CTNNA2: variants seen among roughly 807,000 people sequenced by gnomAD.
CTNNA2 encodes catenin alpha-2.
CTNNA2 carries 42 observed loss-of-function variants against 101.0 expected under a neutral mutation model. That is an observed-to-expected ratio of 0.42 (90% CI 0.32 to 0.54). The LOEUF (loss-of-function observed/expected upper bound fraction) is 0.54, where lower values mean the gene tolerates loss of function less well. CTNNA2 is among the 20% of genes least tolerant of loss of function. CTNNA2 has a pLI of 0.14. For missense variants in CTNNA2, 871 were observed against 1,223.1 expected (o/e 0.71, Z 4.29); for synonymous variants, 450 against 456.4 (o/e 0.99, Z 0.18).
chr2:80,612,200 T>C (rs1698523715), intron 17 of CTNNA2, among the ~76,000 whole-genome samples: 2 of 151,578 alleles, frequency 1.3e-5, no homozygotes, highest in Admixed American at 1.3e-4. Flanking sequence ...CTTGGGACAC[T>C]GGTAGGATTT....
chr2:79,915,961 C>T (rs1329534042), intron 7 of CTNNA2, among the ~76,000 whole-genome samples: 2 of 152,184 alleles, frequency 1.3e-5, no homozygotes, highest in Non-Finnish European at 2.9e-5. Context: ...AATTGCTATA[C>T]TGCCACATTT....
At chr2:79,573,867 T>G (rs2103843124) in intron 1 of CTNNA2, 1 of 152,226 alleles carries the variant, frequency 6.6e-6, no homozygotes, top group East Asian at 1.9e-4. Context: ...TACCAGAAAT[T>G]TTTGGATGTC....
chr2:79,887,649 T>C (rs913169105), intron 6 of CTNNA2, among the ~76,000 whole-genome samples: 3 of 152,162 alleles, frequency 2.0e-5, no homozygotes, highest in Non-Finnish European at 4.4e-5. Context: ...GCTCCTACTA[T>C]GTGCTTAGCA....
At chr2:79,211,114 A>C (rs1674166584) in intron 2 of CTNNA2, among the ~76,000 whole-genome samples, 1 of 152,174 alleles carries the variant, frequency 6.6e-6, no homozygotes, top group Non-Finnish European at 1.5e-5. Context: ...ATACTCTTCA[A>C]ATTTGAGCTT....
chr2:80,424,775 G>GC (rs1160145939), intron 9 of CTNNA2, among the ~76,000 whole-genome samples: 1 of 152,176 alleles, frequency 6.6e-6, no homozygotes, highest in Non-Finnish European at 1.5e-5. Flanking sequence ...GACTGAGTTT[G>GC]CTTTGCCTTG....
rs200078195 is a variant in CTNNA2 at position 79,983,091 on chromosome 2, T to TAC, written c.1056+73295_1056+73296insCA. 3.3e-3 allele frequency among the ~76,000 whole-genome samples: 501 copies of TAC among 151,242 alleles called. 7 individuals are homozygous for TAC. The highest frequency in any genetic ancestry group is 0.012 in the African/African-American group (479 of 41,380). Reference sequence around the variant, plus strand: ...ATTACACAACCCTGGAAAGCAACTATATAACCCCTCAAGGTCCAGTCAACA... The same window carrying TAC: ...ATTACACAACCCTGGAAAGCAACTATACATAACCCCTCAAGGTCCAGTCAACA... On this transcript the variant is annotated intron_variant, in intron 7 of 18. Transcript: ENST00000402739.
Position 80,105,867 on chromosome 2 carries a change from A to G in CTNNA2, c.1056+196070A>G, listed in dbSNP as rs554693492. 2.6e-5 allele frequency among the ~76,000 whole-genome samples: 4 copies of G among 152,296 alleles called. No individual in the cohort carries two copies. The South Asian group carries it at 6.2e-4, about 24-fold the overall frequency. ...TGTTTCACCCCAGGCTTTACCGTGC[A>G]ATCTGCCTGCAGCACAGTGCAGGCA... On this transcript the variant is annotated intron_variant, in intron 7 of 18. Coordinates refer to ENST00000402739, the MANE Select transcript of CTNNA2 (RefSeq NM_001282597.3).
chr2:79,721,462 C>G (rs189813718), intron 2 of CTNNA2, among the ~76,000 whole-genome samples: 127 of 152,310 alleles, frequency 8.3e-4, no homozygotes, highest in Non-Finnish European at 4.4e-5. Flanking sequence ...CTAATTACCT[C>G]CCATTTCCAA....
At chr2:79,250,699 C>A (rs1025467210) in intron 2 of CTNNA2, among the ~76,000 whole-genome samples, 1 of 152,188 alleles carries the variant, frequency 6.6e-6, no homozygotes, top group Non-Finnish European at 1.5e-5. Context: ...CATTTTGGCA[C>A]TCTTTAGACA....
intron 7 of CTNNA2, among the ~76,000 whole-genome samples, chr2:80,132,250 A>C (rs919544606): frequency 3.3e-5 from 5 of 152,124 alleles, no homozygotes; most frequent in African/African-American, 1.2e-4. Context: ...TCATGCTGCC[A>C]GCCTTACATG....
At chr2:79,986,113 T>C (rs144299839) in intron 7 of CTNNA2, among the ~76,000 whole-genome samples, 5 of 152,358 alleles carry the variant, frequency 3.3e-5, no homozygotes, top group African/African-American at 1.2e-4. Context: ...TTTTAACAAC[T>C]AACTTTAATT....
At chr2:79,741,790 G>A (rs896885722) in intron 2 of CTNNA2, among the ~76,000 whole-genome samples, 2 of 152,030 alleles carry the variant, frequency 1.3e-5, no homozygotes, top group African/African-American at 2.4e-5. Context: ...TCTATAAGAT[G>A]TAATTTAATG....
chr2:79,330,347 T>G (rs561564259), intron 3 of CTNNA2, among the ~76,000 whole-genome samples: 6 of 152,056 alleles, frequency 3.9e-5, no homozygotes, highest in African/African-American at 1.4e-4. Flanking sequence ...CAACTGAGGG[T>G]TGAGTCAGCA....
chr2:80,107,042 C>G (rs991813290), intron 7 of CTNNA2, among the ~76,000 whole-genome samples: 1 of 152,102 alleles, frequency 6.6e-6, no homozygotes, highest in Non-Finnish European at 1.5e-5. Flanking sequence ...CTTTTCTGAC[C>G]ATTCATCACT....
At chr2:79,563,910 T>C (rs548620275) in intron 1 of CTNNA2, among the ~76,000 whole-genome samples, 277 of 152,256 alleles carry the variant, frequency 1.8e-3, no homozygotes, top group Non-Finnish European at 2.9e-3. Context: ...CCAGGTTACA[T>C]TGTTTGTTGG....
chr2:79,403,139 T>C (rs2104482691), intron 4 of CTNNA2, among the ~76,000 whole-genome samples: 1 of 151,942 alleles, frequency 6.6e-6, no homozygotes, highest in South Asian at 2.1e-4. Flanking sequence ...GAAAACATTA[T>C]TGGATCTAAG....
chr2:79,410,485 T>G (rs954291180), intron 4 of CTNNA2, among the ~76,000 whole-genome samples: 2 of 152,172 alleles, frequency 1.3e-5, no homozygotes, highest in Non-Finnish European at 2.9e-5. Flanking sequence ...CATCAATACC[T>G]AATTTATTGA....
chr2:80,403,604 C>G (rs1185908180), intron 8 of CTNNA2, among the ~76,000 whole-genome samples: 5 of 152,124 alleles, frequency 3.3e-5, no homozygotes, highest in African/African-American at 1.2e-4. Context: ...AATTATAAGG[C>G]TGGGTTTAAT....
chr2:79,213,549 G>T (rs1193938249), intron 2 of CTNNA2, among the ~76,000 whole-genome samples: 1 of 152,184 alleles, frequency 6.6e-6, no homozygotes, highest in East Asian at 1.9e-4. Flanking sequence ...AGCATAGCCT[G>T]CCTTTGCTGG....
Sources: gnomAD v4.1 joint callset for allele counts (sites outside exome capture counted in the v4.1 genomes callset) on GRCh38, gnomAD v4.1.1 for gene constraint, MANE v1.5 for transcripts, NCBI Gene and HGNC (gene_info 2026-07-23, HGNC 2026-07-21) for gene names.